WDR17: variants seen among roughly 807,000 people sequenced by gnomAD.
WDR17 encodes WD repeat domain 17.
WDR17 carries 143 observed loss-of-function variants against 161.7 expected under a neutral mutation model. That is an observed-to-expected ratio of 0.88 (90% CI 0.77 to 1.02). The LOEUF (loss-of-function observed/expected upper bound fraction) is 1.02. Ranked by LOEUF, WDR17 falls within the 50% of genes least tolerant of loss-of-function variation. WDR17 has a pLI of 0.00. For synonymous variants in WDR17, 517 were observed against 515.6 expected (o/e 1.00, Z -0.04); for missense variants, 1,469 against 1,520.9 (o/e 0.97, Z 0.57).
intron 4 of WDR17, among the ~76,000 whole-genome samples, chr4:176,124,854 G>A (rs757667855): frequency 2.2e-4 from 34 of 151,994 alleles, no homozygotes; most frequent in Non-Finnish European, 3.1e-4. Context: ...ACTGCTTTTC[G>A]GTAACAAATG....
At chr4:176,173,918 A>G (rs1176194002) in intron 25 of WDR17, among the ~76,000 whole-genome samples, 1 of 150,962 alleles carries the variant, frequency 6.6e-6, no homozygotes, top group Non-Finnish European at 1.5e-5. Flanking sequence ...ATGTTTATAT[A>G]TGTACACACA....
intron 22 of WDR17, among the ~76,000 whole-genome samples, 198 bp downstream of exon 22, chr4:176,163,491 C>T (rs1749345399): frequency 6.6e-6 from 1 of 152,120 alleles, no homozygotes; most frequent in Non-Finnish European, 1.5e-5. Flanking sequence ...TGAAATTTGC[C>T]ATGATCCATT....
chr4:176,120,356 A>T lies in WDR17; in HGVS notation c.538+259A>T, dbSNP rs905807240. ...CACAGCTGTGAATATTTTACTTGGAATTAACCTAAATCAGTCATTTTTCCC... is the reference window on the plus strand; with the variant it reads ...CACAGCTGTGAATATTTTACTTGGATTTAACCTAAATCAGTCATTTTTCCC... On this transcript the variant is annotated intron_variant, in intron 4 of 28. Coordinates refer to ENST00000508596, the MANE Select transcript of WDR17 (RefSeq NM_181265.4). Among the ~76,000 whole-genome samples, 9 of 149,042 alleles carry T rather than the reference A, an allele frequency of 6.0e-5. No individual in the cohort carries two copies. In the Admixed American group the frequency reaches 6.1e-4, roughly 10 times the overall value.
rs1752196220 is a variant in WDR17, at chr4:176,181,840, CA to C, written c.*2263del. On this transcript the variant is annotated 3_prime_UTR_variant, in exon 29 of 29. Coordinates refer to ENST00000508596, the MANE Select transcript of WDR17 (RefSeq NM_181265.4). ...TATAAAAGATGAAGAAAAAATTTTG[CA>C]AGTCTTTAAGCACATAAATACAACA... 1 of 151,934 alleles carries C rather than the reference CA, an allele frequency of 6.6e-6. No homozygotes were observed. Among genetic ancestry groups the C allele is most frequent in the Non-Finnish European group, 1.5e-5 (1 of 67,930 alleles). 9.4% of individuals were successfully genotyped at this position (151,934 alleles called of 1,614,324 possible). A position where few individuals can be genotyped will look rare whatever the true frequency, so the allele number is the denominator to read the frequency against.
At chr4:176,149,548 C>T (rs1340862474) in intron 13 of WDR17, among the ~76,000 whole-genome samples, 1 of 152,142 alleles carries the variant, frequency 6.6e-6, no homozygotes, top group Non-Finnish European at 1.5e-5. Flanking sequence ...GCTGGGATTA[C>T]AGGCGTGAGC....
At chr4:176,159,136 A>G (rs1450580449) in intron 18 of WDR17, among the ~76,000 whole-genome samples, 1 of 152,184 alleles carries the variant, frequency 6.6e-6, no homozygotes, top group Non-Finnish European at 1.5e-5. Flanking sequence ...ATTCTGGTTT[A>G]ATGTAAATGC....
At chr4:176,077,387 A>ATT (rs1561068135) in intron 1 of WDR17, among the ~76,000 whole-genome samples, 1 of 140,594 alleles carries the variant, frequency 7.1e-6, no homozygotes, top group Non-Finnish European at 1.6e-5. Flanking sequence ...GACAATGTAC[A>ATT]TTTATACATA....
chr4:176,112,377 A>G (rs1739911144), intron 2 of WDR17, among the ~76,000 whole-genome samples: 1 of 152,176 alleles, frequency 6.6e-6, no homozygotes. Flanking sequence ...TGTTCAGTGT[A>G]ATCAGTTATC....
At chr4:176,137,219 A>G (rs1183973182) in intron 8 of WDR17, among the ~76,000 whole-genome samples, 1 of 151,548 alleles carries the variant, frequency 6.6e-6, no homozygotes, top group Non-Finnish European at 1.5e-5. Context: ...TCTTTTAGAG[A>G]TGCATACTGA....
chr4:176,076,254 T>TATATATATACAC (rs1484407765), intron 1 of WDR17, among the ~76,000 whole-genome samples: 1 of 59,510 alleles, frequency 1.7e-5, no homozygotes, highest in Non-Finnish European at 4.2e-5. Flanking sequence ...TATATATATA[T>TATATATATACAC]ACACACACAC....
intron 1 of WDR17, chr4:176,096,316 C>CT (rs1736847569): frequency 2.5e-6 from 1 of 402,050 alleles, no homozygotes; most frequent in South Asian, 7.2e-5. Flanking sequence ...TTGTCGATTT[C>CT]TTTCTTATTT....
chr4:176,101,254 G>A (rs998528335), intron 1 of WDR17, among the ~76,000 whole-genome samples: 3 of 151,984 alleles, frequency 2.0e-5, no homozygotes, highest in African/African-American at 7.3e-5. Flanking sequence ...CAGGGCTGGG[G>A]GTACTGAGAA....
intron 4 of WDR17, among the ~76,000 whole-genome samples, chr4:176,124,219 C>G (rs1366490457): frequency 1.3e-5 from 2 of 152,206 alleles, no homozygotes; most frequent in African/African-American, 2.4e-5. Flanking sequence ...GTCTCTCTAA[C>G]TAGATGCTTC....
intron 2 of WDR17, among the ~76,000 whole-genome samples, chr4:176,112,391 A>G (rs1275228419): frequency 1.3e-5 from 2 of 152,188 alleles, no homozygotes; most frequent in Admixed American, 6.5e-5. Flanking sequence ...AGTTATCTGT[A>G]GTGCAAATCT....
chr4:176,086,012 T>C (rs1561077622), intron 1 of WDR17, among the ~76,000 whole-genome samples: 2 of 152,000 alleles, frequency 1.3e-5, no homozygotes, highest in Admixed American at 1.3e-4. Context: ...TGCTATTTAG[T>C]GCTAAATATT....
intron 1 of WDR17, among the ~76,000 whole-genome samples, chr4:176,071,569 C>G (rs1196449531): frequency 1.3e-5 from 2 of 152,118 alleles, no homozygotes; most frequent in African/African-American, 2.4e-5. Flanking sequence ...CCCACCTTGG[C>G]CTCTCAAAGT....
At chr4:176,115,704 T>C in intron 2 of WDR17, 92 bp from the exon 3 acceptor site, 1 of 967,504 alleles carries the variant, frequency 1.0e-6, no homozygotes, top group Non-Finnish European at 1.4e-6. Context: ...AATTTTCCTG[T>C]ATGTAGCTTT....
At chr4:176,090,112 T>A (rs1735923774) in intron 1 of WDR17, among the ~76,000 whole-genome samples, 1 of 152,042 alleles carries the variant, frequency 6.6e-6, no homozygotes, top group Non-Finnish European at 1.5e-5. Context: ...AAAATCCATG[T>A]TGAGATTTGA....
intron 1 of WDR17, chr4:176,068,076 A>G (rs1732746306): frequency 6.6e-6 from 1 of 152,216 alleles, no homozygotes; most frequent in Admixed American, 6.5e-5. Context: ...GTAACGCTTT[A>G]TCAGATTACT....
Sources: allele counts gnomAD v4.1 joint callset (sites outside exome capture counted in the v4.1 genomes callset), GRCh38; gene constraint gnomAD v4.1.1; transcripts MANE v1.5; gene names NCBI Gene and HGNC (gene_info 2026-07-23, HGNC 2026-07-21).